LSAMP: variants seen among roughly 807,000 people sequenced by gnomAD.
LSAMP encodes limbic system-associated membrane protein.
In LSAMP, 7 loss-of-function variants were observed where a neutral mutation model predicts 38.6. That is an observed-to-expected ratio of 0.18 (90% CI 0.10 to 0.34). The LOEUF is 0.34. LSAMP is among the 10% of genes least tolerant of loss of function. The pLI is 1.00. For synonymous variants in LSAMP, 154 were observed against 166.8 expected (o/e 0.92, Z 0.59); for missense variants, 313 against 420.0 (o/e 0.75, Z 2.23).
At chr3:116,358,624 C>T (rs939393477) in intron 1 of LSAMP, among the ~76,000 whole-genome samples, 8 of 152,024 alleles carry the variant, frequency 5.3e-5, no homozygotes, top group African/African-American at 1.9e-4. Context: ...ATCCACCGAT[C>T]GAAATGCTTT....
At chr3:116,294,737 G>A (rs559206025) in intron 1 of LSAMP, among the ~76,000 whole-genome samples, 2 of 152,222 alleles carry the variant, frequency 1.3e-5, no homozygotes, top group South Asian at 2.1e-4. Context: ...TATTTGATGT[G>A]GGATATTTAT....
intron 1 of LSAMP, among the ~76,000 whole-genome samples, chr3:116,371,449 T>C (rs2048428714): frequency 6.6e-6 from 1 of 152,000 alleles, no homozygotes; most frequent in African/African-American, 2.4e-5. Flanking sequence ...AAAAACACAT[T>C]ATCATCCCAA....
chr3:115,864,449 T>C (rs940905038), intron 3 of LSAMP, among the ~76,000 whole-genome samples: 3 of 152,222 alleles, frequency 2.0e-5, no homozygotes, highest in Non-Finnish European at 4.4e-5. Context: ...TGGTGCAGCA[T>C]CATTCCCTAG....
intron 3 of LSAMP, among the ~76,000 whole-genome samples, chr3:116,004,623 CAT>C (rs144873648): frequency 6.7e-5 from 10 of 150,332 alleles, no homozygotes; most frequent in African/African-American, 1.5e-4. Context: ...CATATATAAA[CAT>C]ATATACATAA....
intron 1 of LSAMP, among the ~76,000 whole-genome samples, chr3:116,372,220 T>C (rs2048438624): frequency 1.3e-5 from 2 of 151,910 alleles, no homozygotes; most frequent in South Asian, 4.1e-4. Context: ...CATAAAGACA[T>C]ATATAGGCCA....
rs1553709487 is a variant in LSAMP at position 116,164,758 on chromosome 3, A to ATATAT, written c.156-78203_156-78202insATATA. ...TATATATATCCATATATATATATAT[A>ATATAT]TATTTTTTTTTTTTTTCAAGTAGCA... On this transcript the variant is annotated intron_variant, in intron 1 of 6. Coordinates refer to ENST00000490035, the MANE Select transcript of LSAMP (RefSeq NM_002338.5). Among the ~76,000 whole-genome samples the ATATAT allele has an allele frequency of 3.1e-4, 17 of 55,244 alleles. 2 individuals are homozygous for ATATAT. The highest frequency in any genetic ancestry group is 8.0e-4 in the Admixed American group (4 of 4,976). 36.2% of individuals were successfully genotyped at this position (55,244 alleles called of 152,430 possible).
chr3:115,854,699 T>C (rs1450924056), intron 3 of LSAMP, among the ~76,000 whole-genome samples: 1 of 152,112 alleles, frequency 6.6e-6, no homozygotes, highest in Non-Finnish European at 1.5e-5. Context: ...GATTTAGGAT[T>C]GAAGGGGTAA....
intron 1 of LSAMP, among the ~76,000 whole-genome samples, chr3:116,391,298 C>G (rs1485884576): frequency 1.3e-5 from 2 of 151,874 alleles, no homozygotes; most frequent in Non-Finnish European, 2.9e-5. Flanking sequence ...GTGCCCCGCC[C>G]CCCCCGTGCC....
intron 3 of LSAMP, among the ~76,000 whole-genome samples, chr3:115,935,918 T>G (rs1228178226): frequency 6.6e-6 from 1 of 152,182 alleles, no homozygotes; most frequent in African/African-American, 2.4e-5. Context: ...CATGCTGTAA[T>G]ACCTGTCCCA....
intron 2 of LSAMP, among the ~76,000 whole-genome samples, chr3:116,060,904 GAAAT>G (rs1941582996): frequency 1.3e-5 from 2 of 150,912 alleles, no homozygotes; most frequent in African/African-American, 4.9e-5. Flanking sequence ...ACCACAATGA[GAAAT>G]AAATAAAATA....
chr3:115,911,557 T>C (rs1188563229), intron 3 of LSAMP, among the ~76,000 whole-genome samples: 1 of 152,108 alleles, frequency 6.6e-6, no homozygotes, highest in African/African-American at 2.4e-5. Flanking sequence ...TTGCCCAGGC[T>C]GGTCTCAAAC....
In LSAMP at chr3:115,985,542, C is replaced by T. The variant is rs76376030; in HGVS notation, c.514+33973G>A. 3.8e-3 allele frequency among the ~76,000 whole-genome samples: 580 copies of T among 152,302 alleles called. 3 individuals are homozygous for T. The highest frequency in any genetic ancestry group is 0.013 in the African/African-American group (544 of 41,566). ...CCTCCTGATGCTCATACCTCGTACC[C>T]ATGTTATCCTACAGTTGGTATGAGT... On this transcript the variant is annotated intron_variant, in intron 3 of 6. Coordinates refer to ENST00000490035, the MANE Select transcript of LSAMP (RefSeq NM_002338.5).
intron 1 of LSAMP, among the ~76,000 whole-genome samples, chr3:116,104,244 G>A (rs981437719): frequency 1.1e-4 from 16 of 152,208 alleles, no homozygotes; most frequent in African/African-American, 3.9e-4. Context: ...ATGGTAAGAG[G>A]AACATAAAGC....
At chr3:115,845,260 A>G (rs1440646144) in intron 4 of LSAMP, among the ~76,000 whole-genome samples, 1 of 152,324 alleles carries the variant, frequency 6.6e-6, no homozygotes, top group African/African-American at 2.4e-5. Flanking sequence ...TTAAGCTGCC[A>G]GTGACTCCAT....
intron 3 of LSAMP, among the ~76,000 whole-genome samples, chr3:115,892,043 G>A (rs2107460234): frequency 6.6e-6 from 1 of 152,016 alleles, no homozygotes; most frequent in Non-Finnish European, 1.5e-5. Context: ...ATATGAACAT[G>A]TCTTAGATTA....
intron 3 of LSAMP, among the ~76,000 whole-genome samples, chr3:115,985,225 T>C (rs949485951): frequency 6.6e-6 from 1 of 152,158 alleles, no homozygotes; most frequent in Admixed American, 6.5e-5. Flanking sequence ...ATATCCTAGC[T>C]AATAAAAAAT....
intron 1 of LSAMP, among the ~76,000 whole-genome samples, chr3:116,250,890 G>A (rs971131310): frequency 6.6e-6 from 1 of 151,942 alleles, no homozygotes; most frequent in Non-Finnish European, 1.5e-5. Flanking sequence ...GAGTGTTGGG[G>A]GGAACAAAAG....
At chr3:116,235,377 A>T (rs1349004178) in intron 1 of LSAMP, among the ~76,000 whole-genome samples, 1 of 152,108 alleles carries the variant, frequency 6.6e-6, no homozygotes, top group African/African-American at 2.4e-5. Context: ...AGGTCTCCCA[A>T]GTTGCTGGAA....
intron 6 of LSAMP, among the ~76,000 whole-genome samples, chr3:115,823,093 G>GA (rs576483753): frequency 5.6e-4 from 85 of 152,300 alleles, no homozygotes; most frequent in African/African-American, 1.9e-3. Context: ...AATAGAATGT[G>GA]AAAAAATGCT....
Sources: allele counts gnomAD v4.1 joint callset (sites outside exome capture counted in the v4.1 genomes callset), GRCh38; gene constraint gnomAD v4.1.1; transcripts MANE v1.5; gene names NCBI Gene and HGNC (gene_info 2026-07-23, HGNC 2026-07-21).